NEXMIF: variants seen among roughly 807,000 people sequenced by gnomAD.
NEXMIF encodes XLMR protein related to neurite extension.
In NEXMIF, 8 loss-of-function variants were observed where a neutral mutation model predicts 62.1. That is an observed-to-expected ratio of 0.13 (90% CI 0.08 to 0.23). The LOEUF is 0.23. Ranked by LOEUF, NEXMIF falls within the 10% of genes least tolerant of loss-of-function variation. The pLI, the probability that NEXMIF is intolerant of heterozygous loss-of-function variation, is 1.00. For missense variants in NEXMIF, 976 were observed against 1,113.3 expected, an observed-to-expected ratio of 0.88 and a Z score of 1.75; for synonymous variants, 404 against 416.6, an observed-to-expected ratio of 0.97 and a Z score of 0.37.
At chrX:74,819,386 G>C (rs1384905741) in intron 1 of NEXMIF, among the ~76,000 whole-genome samples, 2 of 111,825 alleles carry the variant, frequency 1.8e-5, no homozygotes, top group African/African-American at 6.5e-5. Flanking sequence ...ACTATCATCA[G>C]AGTGAATAGG....
At position 74,741,761 on chromosome X, in the gene NEXMIF, T is replaced by C; in HGVS notation, c.2796A>G (p.Thr932=). 8.3e-7 allele frequency: 1 copy of C among 1,211,423 alleles called. No homozygotes were observed. The highest frequency in any genetic ancestry group is 1.1e-6 in the Non-Finnish European group (1 of 895,156). ...VSMENNLTPT[T]YNPICLNSGG... The stretch of plus-strand genomic sequence containing the variant: ...CACTATTGAGACAGATTGGATTGTA[T>C]GTTGTAGGTGTGAGGTTATTTTCCA... The change falls in exon 3 of 4, where the codon ACA becomes ACG. Residue 932 remains threonine, a synonymous_variant. Transcript: ENST00000055682.
At chrX:74,889,858 A>G (rs971317804) in intron 1 of NEXMIF, among the ~76,000 whole-genome samples, 7 of 111,449 alleles carry the variant, frequency 6.3e-5, no homozygotes, top group Admixed American at 2.8e-4. Context: ...GTGAATAGCC[A>G]TAATCAAAGA....
At chrX:74,831,124 G>A (rs933189015) in intron 1 of NEXMIF, among the ~76,000 whole-genome samples, 1 of 110,132 alleles carries the variant, frequency 9.1e-6, no homozygotes. Context: ...CAATCTTGAA[G>A]GAAAGACTTT....
chrX:74,877,845 C>G (rs1456654596), intron 1 of NEXMIF, among the ~76,000 whole-genome samples: 4 of 111,804 alleles, frequency 3.6e-5, no homozygotes, highest in South Asian at 7.6e-4. Flanking sequence ...GCTCCATCAG[C>G]TCCTTTAAGC....
intron 1 of NEXMIF, among the ~76,000 whole-genome samples, chrX:74,907,334 A>ACCCCCCCCCCCCCCCCCCCC (rs56726810): frequency 1.9e-5 from 1 of 53,047 alleles, no homozygotes; most frequent in African/African-American, 7.1e-5. Context: ...AAGCAAGAGC[A>ACCCCCCCCCCCCCCCCCCCC]CCCCCCCCCC....
intron 1 of NEXMIF, among the ~76,000 whole-genome samples, chrX:74,843,341 C>T (rs2080480093): frequency 1.8e-5 from 2 of 110,348 alleles, no homozygotes; most frequent in Admixed American, 1.9e-4. Flanking sequence ...TCATGCATCC[C>T]TTTATTTTGA....
At chrX:74,798,403 A>C (rs972958145) in intron 1 of NEXMIF, among the ~76,000 whole-genome samples, 1 of 112,358 alleles carries the variant, frequency 8.9e-6, no homozygotes, top group Admixed American at 9.4e-5. Context: ...ATAATAGGCC[A>C]AACTATCCAT....
At chrX:74,813,371 TA>T (rs781726714) in intron 1 of NEXMIF, among the ~76,000 whole-genome samples, 1 of 111,817 alleles carries the variant, frequency 8.9e-6, no homozygotes, top group Admixed American at 9.5e-5. Context: ...AAACATGCTA[TA>T]AAAAAGGGTA....
chrX:74,785,853 G>A (rs942389501), intron 1 of NEXMIF, among the ~76,000 whole-genome samples: 3 of 112,732 alleles, frequency 2.7e-5, no homozygotes, highest in African/African-American at 9.7e-5. Context: ...GCATTCATCT[G>A]TGTAGTCTGT....
rs559175637 is a variant in NEXMIF, at chrX:74,739,226, G to A, written c.*179C>T. 5 of 358,085 alleles carry A rather than the reference G, an allele frequency of 1.4e-5. No individual in the cohort carries two copies. The South Asian group carries it at 3.2e-4, about 23-fold the overall frequency. The allele number at this position is 358,085 out of a possible 1,213,427, so 29.5% of individuals were successfully genotyped here. A position where few individuals can be genotyped will look rare whatever the true frequency, so the allele number is the denominator to read the frequency against. ...CAATGTTTTCAATTTTTTCCTTGTG[G>A]GTAAATAGTGCATAAACTACTTGTG... On this transcript the variant is annotated 3_prime_UTR_variant, in exon 4 of 4. Coordinates refer to ENST00000055682, the MANE Select transcript of NEXMIF (RefSeq NM_001008537.3).
At chrX:74,803,146 T>C (rs1184082662) in intron 1 of NEXMIF, among the ~76,000 whole-genome samples, 1 of 111,965 alleles carries the variant, frequency 8.9e-6, no homozygotes, top group East Asian at 2.8e-4. Flanking sequence ...GTAGAAAGCT[T>C]ACTCAAAGGG....
intron 1 of NEXMIF, among the ~76,000 whole-genome samples, chrX:74,824,383 C>T (rs2080407672): frequency 9.0e-6 from 1 of 111,680 alleles, no homozygotes; most frequent in East Asian, 2.8e-4. Flanking sequence ...TCTTTCTGTG[C>T]CTGGCTTCTT....
At position 74,787,269 on chromosome X, in the gene NEXMIF, C is replaced by A. The variant is rs769605534; in HGVS notation, c.-47-41572G>T. On this transcript the variant is annotated intron_variant, in intron 1 of 3. Transcript: ENST00000055682. ...CTGTACTCCAGTCTGGGCGACAGAG[C>A]GAGATTCCATCTCAAAAGAAAAAAG... Among the ~76,000 whole-genome samples the A allele has an allele frequency of 1.2e-4, 12 of 96,042 alleles. No homozygotes were observed. In the East Asian group the frequency reaches 3.0e-3, roughly 24 times the overall value. 83.4% of individuals were successfully genotyped at this position (96,042 alleles called of 115,157 possible). A position where few individuals can be genotyped will look rare whatever the true frequency, so the allele number is the denominator to read the frequency against.
chrX:74,821,915 A>G (rs1602239859), intron 1 of NEXMIF, among the ~76,000 whole-genome samples: 1 of 111,070 alleles, frequency 9.0e-6, no homozygotes, highest in Non-Finnish European at 1.9e-5. Context: ...ACGCTCGGCT[A>G]ATTTTTGCAT....
chrX:74,915,415 G>A (rs1366464428), intron 1 of NEXMIF, among the ~76,000 whole-genome samples: 2 of 112,327 alleles, frequency 1.8e-5, no homozygotes, highest in Non-Finnish European at 3.8e-5. Flanking sequence ...AACTTCCAGT[G>A]ATTCTATAAT....
At position 74,741,649 on chromosome X, in the gene NEXMIF, T is replaced by G; in HGVS notation, c.2908A>C (p.Asn970His). 1.7e-6 allele frequency: 2 copies of G among 1,211,450 alleles called. No individual in the cohort carries two copies. The highest frequency in any genetic ancestry group is 2.2e-6 in the Non-Finnish European group (2 of 895,165). Residue 970 changes from asparagine to histidine, a missense_variant, in exon 3 of 4, where the codon AAT (asparagine) becomes CAT (histidine). This residue lies in a region of NEXMIF where 639 missense variants were observed against 694.5 expected (regional missense o/e 0.92). Coordinates refer to ENST00000055682, the MANE Select transcript of NEXMIF (RefSeq NM_001008537.3). ...AAAGGAAAGCAGATCTCTCCATTAT[T>G]AAAGTGACATAATTGGTAAGAGTCA... is the stretch of plus-strand genomic sequence containing the variant. Reference protein sequence around the residue: ...SDDSYQLCHFNNGEICFPFQQ... With the variant: ...SDDSYQLCHFHNGEICFPFQQ...
At chrX:74,878,082 C>T (rs2080644932) in intron 1 of NEXMIF, among the ~76,000 whole-genome samples, 2 of 111,440 alleles carry the variant, frequency 1.8e-5, no homozygotes, top group South Asian at 7.5e-4. Context: ...TTAGAGTTTC[C>T]AGTTTTTCTG....
At chrX:74,878,810 C>T (rs1039917993) in intron 1 of NEXMIF, among the ~76,000 whole-genome samples, 4 of 112,496 alleles carry the variant, frequency 3.6e-5, no homozygotes, top group South Asian at 3.6e-4. Context: ...TGACCCCTTG[C>T]GCTTCCCGTG....
At chrX:74,884,054 T>A (rs1489943756) in intron 1 of NEXMIF, among the ~76,000 whole-genome samples, 1 of 111,747 alleles carries the variant, frequency 8.9e-6, no homozygotes, top group Non-Finnish European at 1.9e-5. Flanking sequence ...CTAAGCTTCA[T>A]AAGTGAAGGA....
Sources: gnomAD v4.1 joint callset for allele counts (sites outside exome capture counted in the v4.1 genomes callset) on GRCh38, gnomAD v4.1.1 for gene constraint, gnomAD v4.1.1 regional missense constraint, MANE v1.5 for transcripts, NCBI Gene and HGNC (gene_info 2026-07-23, HGNC 2026-07-21) for gene names.